Variants in MGAT4C observed in about 807,000 individuals in gnomAD.
MGAT4C encodes the protein MGAT4 family member C.
MGAT4C carries 19 observed loss-of-function variants against 40.1 expected under a neutral mutation model. The ratio of observed to expected loss-of-function variants is 0.47; its 90% CI spans 0.33 to 0.70. MGAT4C has a LOEUF of 0.70. Ranked by LOEUF, MGAT4C falls within the 30% of genes least tolerant of loss-of-function variation. The pLI is 0.02. For synonymous variants in MGAT4C, 181 were observed against 187.1 expected (o/e 0.97, Z 0.27); for missense variants, 491 against 563.2 (o/e 0.87, Z 1.30).
intron 1 of MGAT4C, among the ~76,000 whole-genome samples, chr12:86,789,179 A>G (rs1951982588): frequency 6.6e-6 from 1 of 152,156 alleles, no homozygotes; most frequent in South Asian, 2.1e-4. Context: ...GCTAACATTA[A>G]ACAATAACTT....
At chr12:86,056,484 T>C (rs1402879603) in intron 1 of MGAT4C, among the ~76,000 whole-genome samples, 2 of 152,148 alleles carry the variant, frequency 1.3e-5, no homozygotes, top group East Asian at 3.9e-4. Context: ...ACATGCAGTG[T>C]TTGGTTTTCT....
rs1054310604 is a variant in MGAT4C at position 86,155,339 on chromosome 12, T to C, written c.-57+100900A>G. ...TTTAGACATGTGTGTGGAAAATGGA[T>C]GGGAAGAAATGAAGTTTGGAAGCTA... On this transcript the variant is annotated intron_variant, in intron 1 of 4. Transcript: ENST00000611864. Among the ~76,000 whole-genome samples, 5 of 152,126 alleles carry C rather than the reference T, an allele frequency of 3.3e-5. No individual in the cohort carries two copies. In the East Asian group the frequency reaches 9.7e-4, roughly 29 times the overall value.
chr12:86,250,502 T>C (rs1952230868), intron 1 of MGAT4C, among the ~76,000 whole-genome samples: 1 of 91,526 alleles, frequency 1.1e-5, no homozygotes, highest in Non-Finnish European at 2.6e-5. Flanking sequence ...GACAATGGAC[T>C]GTTGAAAAGC....
chr12:86,297,767 G>A (rs746954813), intron 4 of MGAT4C, among the ~76,000 whole-genome samples: 59 of 152,112 alleles, frequency 3.9e-4, no homozygotes, highest in Non-Finnish European at 6.9e-4. Context: ...AAGAAAAAAA[G>A]GGAGGATCGT....
chr12:86,808,315 A>G (rs1437331984), intron 1 of MGAT4C, among the ~76,000 whole-genome samples: 3 of 152,022 alleles, frequency 2.0e-5, no homozygotes, highest in African/African-American at 7.2e-5. Flanking sequence ...TCTGGCAGAG[A>G]TATACAACAA....
intron 3 of MGAT4C, among the ~76,000 whole-genome samples, chr12:86,340,389 TAGCTTGAA>T (rs1954882896): frequency 6.6e-6 from 1 of 152,094 alleles, no homozygotes; most frequent in Non-Finnish European, 1.5e-5. Flanking sequence ...AAAAAATGTT[TAGCTTGAA>T]AGCCTATATT....
chr12:86,788,298 GTTT>G (rs373080606), intron 1 of MGAT4C, among the ~76,000 whole-genome samples: 1 of 137,906 alleles, frequency 7.3e-6, no homozygotes. Context: ...TCATTATTAG[GTTT>G]TTTTTTTTTT....
intron 4 of MGAT4C, among the ~76,000 whole-genome samples, chr12:86,299,363 C>T (rs1304706887): frequency 6.6e-6 from 1 of 152,116 alleles, no homozygotes; most frequent in South Asian, 2.1e-4. Flanking sequence ...GTGATCCGCC[C>T]GCCTCGGCCT....
intron 2 of MGAT4C, among the ~76,000 whole-genome samples, chr12:86,526,560 G>T (rs1293348160): frequency 2.0e-5 from 3 of 152,064 alleles, no homozygotes; most frequent in Non-Finnish European, 2.9e-5. Context: ...GGAACCCAAG[G>T]CTGCCCTGCA....
chr12:86,791,163 G>A (rs1342387640), intron 1 of MGAT4C, among the ~76,000 whole-genome samples: 3 of 152,104 alleles, frequency 2.0e-5, no homozygotes, highest in Non-Finnish European at 4.4e-5. Context: ...TTTTATACAT[G>A]AGAAATATGA....
At chr12:86,187,807 T>C (rs1183187692) in intron 1 of MGAT4C, among the ~76,000 whole-genome samples, 1 of 151,976 alleles carries the variant, frequency 6.6e-6, no homozygotes, top group African/African-American at 2.4e-5. Flanking sequence ...TAAAGATTGG[T>C]TGTTTATCTA....
At chr12:86,217,373 A>C (rs978370408) in intron 1 of MGAT4C, among the ~76,000 whole-genome samples, 2 of 152,074 alleles carry the variant, frequency 1.3e-5, no homozygotes, top group Non-Finnish European at 2.9e-5. Context: ...ACGTGGTTTC[A>C]CCATGTTGGC....
chr12:86,618,606 T>C (rs1028201638), intron 2 of MGAT4C, among the ~76,000 whole-genome samples: 1 of 152,126 alleles, frequency 6.6e-6, no homozygotes, highest in Non-Finnish European at 1.5e-5. Flanking sequence ...TTCTCACTCA[T>C]ACATGAGAGT....
chr12:86,784,571 G>C (rs980303154), intron 1 of MGAT4C, among the ~76,000 whole-genome samples: 2 of 151,640 alleles, frequency 1.3e-5, no homozygotes, highest in Admixed American at 6.6e-5. Context: ...TCTTAGATGA[G>C]TGAAGTTAAA....
chr12:86,066,721 A>G (rs980610881), intron 1 of MGAT4C, among the ~76,000 whole-genome samples: 2 of 152,218 alleles, frequency 1.3e-5, no homozygotes, highest in African/African-American at 4.8e-5. Context: ...GGATCTAATT[A>G]AACGAAAGAG....
chr12:86,663,630 T>C (rs192989870), intron 2 of MGAT4C, among the ~76,000 whole-genome samples: 45 of 152,238 alleles, frequency 3.0e-4, no homozygotes, highest in African/African-American at 1.0e-3. Context: ...CTTGTCTATA[T>C]TGACAACCAT....
Position 85,963,173 on chromosome 12 carries a change from G to T in MGAT4C, c.*16116C>A, listed in dbSNP as rs1883200971. The T allele has an allele frequency of 6.6e-6, 1 of 151,704 alleles. No individual in the cohort carries two copies. The highest frequency in any genetic ancestry group is 2.4e-5 in the African/African-American group (1 of 41,356). 9.4% of individuals were successfully genotyped at this position (151,704 alleles called of 1,614,324 possible). A position where few individuals can be genotyped will look rare whatever the true frequency, so the allele number is the denominator to read the frequency against. The stretch of plus-strand genomic sequence containing the variant: ...TGGGTGCTTTAAATGTTTTTTGGAG[G>T]CTATTACAAAATCACATCCTAAAAT... On this transcript the variant is annotated 3_prime_UTR_variant, in exon 5 of 5. Coordinates refer to ENST00000611864, the MANE Select transcript of MGAT4C (RefSeq NM_001351288.2).
chr12:86,572,113 A>G (rs1224026540), intron 2 of MGAT4C, among the ~76,000 whole-genome samples: 3 of 152,204 alleles, frequency 2.0e-5, no homozygotes, highest in Admixed American at 1.3e-4. Flanking sequence ...TATTGCTCAC[A>G]TGAAAATGGA....
intron 3 of MGAT4C, among the ~76,000 whole-genome samples, chr12:86,399,430 C>T (rs568684964): frequency 5.1e-4 from 77 of 151,888 alleles, no homozygotes; most frequent in Middle Eastern, 6.8e-3. Context: ...TACAGGCGCC[C>T]GCCACCACAC....
Sources: allele counts gnomAD v4.1 joint callset (sites outside exome capture counted in the v4.1 genomes callset), GRCh38; gene constraint gnomAD v4.1.1; transcripts MANE v1.5; gene names NCBI Gene and HGNC (gene_info 2026-07-23, HGNC 2026-07-21).